SMURF1: variants seen among roughly 807,000 people sequenced by gnomAD.
The protein encoded by SMURF1 is SMAD specific E3 ubiquitin protein ligase 1.
A neutral mutation model predicts 98.0 loss-of-function variants in SMURF1; 44 were observed. The observed-to-expected ratio is 0.45, with a 90% confidence interval of 0.35 to 0.58. The LOEUF is 0.58. Ranked by LOEUF, SMURF1 falls within the 20% of genes least tolerant of loss-of-function variation. The pLI, the probability that SMURF1 is intolerant of heterozygous loss-of-function variation, is 0.00. For synonymous variants in SMURF1, 396 were observed against 374.9 expected (o/e 1.06, Z -0.65); for missense variants, 687 against 938.4 (o/e 0.73, Z 3.50).
In SMURF1 at chr7:99,143,882, G is replaced by C; in HGVS notation, c.-102C>G. The stretch of plus-strand genomic sequence containing the variant: ...CGCCTCAAGGTTACGGCTCCGGGCT[G>C]GGCGCCGGGGTCCGAGCCGGGACAC... On this transcript the variant is annotated 5_prime_UTR_variant, in exon 1 of 18. Coordinates refer to ENST00000361368, the MANE Select transcript of SMURF1 (RefSeq NM_181349.3). 1 of 1,090,598 alleles carries C rather than the reference G, an allele frequency of 9.2e-7. No individual in the cohort carries two copies. The highest frequency in any genetic ancestry group is 4.2e-5 in the Admixed American group (1 of 23,782). The allele number at this position is 1,090,598 out of a possible 1,614,324, so 67.6% of individuals were successfully genotyped here. A position where few individuals can be genotyped will look rare whatever the true frequency, so the allele number is the denominator to read the frequency against.
At chr7:99,042,495 G>C (rs1289892827) in intron 11 of SMURF1, among the ~76,000 whole-genome samples, 1 of 152,172 alleles carries the variant, frequency 6.6e-6, no homozygotes, top group Non-Finnish European at 1.5e-5. Context: ...GGGTGGCCTC[G>C]AACTCCTGAC....
Position 99,030,501 on chromosome 7 carries a change from G to T in SMURF1, c.*83C>A. On this transcript the variant is annotated 3_prime_UTR_variant, in exon 18 of 18. Transcript: ENST00000361368. ...GGTGATCTGGAATTCCAGGGCCTCT[G>T]CCAGCTTTGCAGGAGGTGCACAGAA... 3 of 1,149,344 alleles carry T rather than the reference G, an allele frequency of 2.6e-6. No homozygotes were observed. The highest frequency in any genetic ancestry group is 2.6e-6 in the Non-Finnish European group (2 of 770,052). The allele number at this position is 1,149,344 out of a possible 1,614,324, so 71.2% of individuals were successfully genotyped here. A position where few individuals can be genotyped will look rare whatever the true frequency, so the allele number is the denominator to read the frequency against.
intron 1 of SMURF1, among the ~76,000 whole-genome samples, chr7:99,090,173 C>G (rs1161875219): frequency 2.0e-5 from 3 of 152,218 alleles, no homozygotes; most frequent in Non-Finnish European, 4.4e-5. Flanking sequence ...CTCACAAACA[C>G]TGCAACTAGC....
intron 1 of SMURF1, among the ~76,000 whole-genome samples, chr7:99,131,248 G>A (rs1192852712): frequency 6.6e-6 from 1 of 152,098 alleles, no homozygotes; most frequent in African/African-American, 2.4e-5. Flanking sequence ...ACAACATTAG[G>A]AAGTGCGATA....
At chr7:99,078,118 G>A (rs1486702655) in intron 1 of SMURF1, among the ~76,000 whole-genome samples, 2 of 152,008 alleles carry the variant, frequency 1.3e-5, no homozygotes, top group African/African-American at 4.8e-5. Context: ...GGCCAAATAT[G>A]GTGAAACCCC....
At chr7:99,105,229 T>G in intron 1 of SMURF1, among the ~76,000 whole-genome samples, 1 of 152,122 alleles carries the variant, frequency 6.6e-6, no homozygotes, top group Non-Finnish European at 1.5e-5. Flanking sequence ...AAGCGCAAAT[T>G]CTCTCTGAAA....
chr7:99,043,090 T>C (rs1795447387), intron 11 of SMURF1, among the ~76,000 whole-genome samples: 1 of 152,158 alleles, frequency 6.6e-6, no homozygotes, highest in Non-Finnish European at 1.5e-5. Context: ...GGAAGAACCT[T>C]TTTTGAAAAA....
chr7:99,042,256 A>G, intron 11 of SMURF1, 24 bp from the exon 12 acceptor site: 1 of 1,512,744 alleles, frequency 6.6e-7, no homozygotes. Flanking sequence ...ACAAAAATGC[A>G]TTTGAGACGC....
intron 1 of SMURF1, among the ~76,000 whole-genome samples, chr7:99,142,637 TG>T (rs760358945): frequency 5.6e-5 from 3 of 53,574 alleles, no homozygotes; most frequent in African/African-American, 1.5e-4. Context: ...GAGGACGGTG[TG>T]GGGGGGTGAG....
intron 1 of SMURF1, among the ~76,000 whole-genome samples, chr7:99,082,977 T>C (rs1796602112): frequency 6.6e-6 from 1 of 152,184 alleles, no homozygotes; most frequent in African/African-American, 2.4e-5. Context: ...TTAATGCTTT[T>C]TTATACTATT....
rs146527669 is a variant in SMURF1, at chr7:99,029,634, G to C, written c.*950C>G. 3 of 152,330 alleles carry C rather than the reference G, an allele frequency of 2.0e-5. No homozygotes were observed. In the East Asian group the frequency reaches 5.8e-4, roughly 29 times the overall value. 9.4% of individuals were successfully genotyped at this position (152,330 alleles called of 1,614,324 possible). On this transcript the variant is annotated 3_prime_UTR_variant, in exon 18 of 18. Transcript: ENST00000361368. ...GAGTTCACACCAAGCCAGCAGCTAT[G>C]ATGACACAATTTTGTTAGTTTAGCT...
chr7:99,123,473 ATAGTGAG>A (rs750575004), intron 1 of SMURF1, among the ~76,000 whole-genome samples: 1 of 152,222 alleles, frequency 6.6e-6, no homozygotes, highest in Non-Finnish European at 1.5e-5. Flanking sequence ...GGTTGAGGCT[ATAGTGAG>A]CTATGATTGC....
chr7:99,117,387 C>T (rs1797482712), intron 1 of SMURF1, among the ~76,000 whole-genome samples: 1 of 152,054 alleles, frequency 6.6e-6, no homozygotes, highest in Non-Finnish European at 1.5e-5. Flanking sequence ...CTCACTCTGT[C>T]GCCCAGGCTT....
intron 1 of SMURF1, among the ~76,000 whole-genome samples, chr7:99,131,291 A>G (rs1797867104): frequency 6.6e-6 from 1 of 152,154 alleles, no homozygotes; most frequent in African/African-American, 2.4e-5. Flanking sequence ...AAAATGTGGA[A>G]ATTAGCTGAA....
At chr7:99,040,291 A>ACACGCG (rs1554437723) in intron 13 of SMURF1, 87 bp downstream of exon 13, 1 of 1,255,006 alleles carries the variant, frequency 8.0e-7, no homozygotes, top group Admixed American at 3.1e-5. Context: ...AAATACACAC[A>ACACGCG]CACGCGCGCG....
At chr7:99,114,065 A>T (rs1797387925) in intron 1 of SMURF1, among the ~76,000 whole-genome samples, 1 of 152,150 alleles carries the variant, frequency 6.6e-6, no homozygotes. Context: ...TGTGACAATA[A>T]CAAGATAAAG....
At chr7:99,059,412 TAAAA>T (rs1795972901) in intron 3 of SMURF1, among the ~76,000 whole-genome samples, 1 of 26,446 alleles carries the variant, frequency 3.8e-5, no homozygotes, top group Non-Finnish European at 6.8e-5. Flanking sequence ...AAAAATAAAA[TAAAA>T]TAAAATAAAA....
At chr7:99,031,420 C>T (rs1222552857) in intron 17 of SMURF1, 1 of 152,122 alleles carries the variant, frequency 6.6e-6, no homozygotes, top group Non-Finnish European at 1.5e-5. Context: ...CCAAAAAATA[C>T]AAAATTGTGA....
chr7:99,047,589 G>T, intron 10 of SMURF1, 95 bp downstream of exon 10: 2 of 1,302,014 alleles, frequency 1.5e-6, no homozygotes, highest in Non-Finnish European at 1.1e-6. Context: ...TTCATTTAAA[G>T]CAGCCCTTGA....
Sources: gnomAD v4.1 joint callset for allele counts (sites outside exome capture counted in the v4.1 genomes callset) on GRCh38, gnomAD v4.1.1 for gene constraint, MANE v1.5 for transcripts, NCBI Gene and HGNC (gene_info 2026-07-23, HGNC 2026-07-21) for gene names.